Variants in AFF2 observed in about 807,000 individuals in gnomAD.
The protein encoded by AFF2 is ALF transcription elongation factor 2, also known as AF4/FMR2 family member 2.
A neutral mutation model predicts 76.9 loss-of-function variants in AFF2; 14 were observed. The observed-to-expected ratio is 0.18, with a 90% CI of 0.12 to 0.28. The LOEUF (loss-of-function observed/expected upper bound fraction) is 0.28, where lower values mean the gene tolerates loss of function less well. AFF2 is among the 10% of genes least tolerant of loss of function. The probability of loss-of-function intolerance (pLI) is 1.00; values close to 1 mark genes in which losing one functional copy is unlikely to be tolerated. For missense variants in AFF2, 868 were observed against 1,001.1 expected (o/e 0.87, Z 1.79); for synonymous variants, 398 against 366.7 (o/e 1.09, Z -0.98).
intron 1 of AFF2, among the ~76,000 whole-genome samples, chrX:148,570,735 T>C (rs1286168492): frequency 9.0e-6 from 1 of 111,453 alleles, no homozygotes; most frequent in Non-Finnish European, 1.9e-5. Flanking sequence ...GGGAGGGCTA[T>C]GCTTCCTCCA....
intron 1 of AFF2, among the ~76,000 whole-genome samples, chrX:148,526,527 G>A (rs1420706668): frequency 1.8e-5 from 2 of 109,556 alleles, no homozygotes; most frequent in Non-Finnish European, 3.8e-5. Context: ...CTTCAGCCCT[G>A]GATTCATCTC....
chrX:148,942,039 T>G (rs139670699), intron 9 of AFF2, among the ~76,000 whole-genome samples: 1,507 of 110,407 alleles, frequency 0.014, 26 homozygotes, highest in African/African-American at 0.047. Flanking sequence ...GAATGTACAA[T>G]TTAGTGGTGC....
chrX:148,517,065 T>G (rs1169668381), intron 1 of AFF2, among the ~76,000 whole-genome samples: 1 of 112,131 alleles, frequency 8.9e-6, no homozygotes, highest in Non-Finnish European at 1.9e-5. Context: ...AACAAATATA[T>G]TCTGGGTGTC....
chrX:148,532,766 A>G (rs1014186294), intron 1 of AFF2, among the ~76,000 whole-genome samples: 12 of 112,251 alleles, frequency 1.1e-4, no homozygotes, highest in Non-Finnish European at 1.7e-4. Context: ...CTAATTGTGT[A>G]TACTTTTGCC....
In AFF2 at chrX:148,956,086, A is replaced by T. The variant is rs188332287; in HGVS notation, c.2041A>T (p.Arg681Trp). 1.7e-6 allele frequency: 2 copies of T among 1,208,434 alleles called. No homozygotes were observed. The highest frequency in any genetic ancestry group is 2.2e-6 in the Non-Finnish European group (2 of 894,858). ...NKATAHKPAP[R>W]KEPRPNIPLA... Reference sequence around the variant, plus strand: ...AGCCACTGCCCACAAACCAGCCCCTAGGAAAGAACCAAGACCTAACATCCC... The same window carrying T: ...AGCCACTGCCCACAAACCAGCCCCTTGGAAAGAACCAAGACCTAACATCCC... The change falls in exon 11 of 21, where the codon AGG becomes TGG. Residue 681 changes from arginine (R) to tryptophan (W), a missense_variant. Physicochemically the swap from Arg to Trp is moderately radical, Grantham distance 101. Transcript: ENST00000370460.
chrX:148,622,447 G>A (rs988563142), intron 1 of AFF2, among the ~76,000 whole-genome samples: 1 of 111,498 alleles, frequency 9.0e-6, no homozygotes, highest in Non-Finnish European at 1.9e-5. Flanking sequence ...CAACTGATTG[G>A]ATGAGATCCA....
chrX:148,548,528 G>A (rs1211889141), intron 1 of AFF2, among the ~76,000 whole-genome samples: 1 of 111,741 alleles, frequency 8.9e-6, no homozygotes, highest in Non-Finnish European at 1.9e-5. Flanking sequence ...TCCGCCTCCC[G>A]AGTTCAAGCG....
At chrX:148,823,372 G>C (rs782100788) in intron 4 of AFF2, among the ~76,000 whole-genome samples, 4 of 111,677 alleles carry the variant, frequency 3.6e-5, no homozygotes, top group Non-Finnish European at 5.6e-5. Flanking sequence ...TGAATTTTTT[G>C]CACTCTCCAG....
intron 3 of AFF2, among the ~76,000 whole-genome samples, chrX:148,669,266 C>G (rs2054394400): frequency 8.9e-6 from 1 of 112,036 alleles, no homozygotes; most frequent in Non-Finnish European, 1.9e-5. Context: ...AAGTTCCAAA[C>G]TTTCCTGCAT....
Position 148,662,373 on chromosome X carries a change from G to T in AFF2, c.646G>T (p.Ala216Ser). ...IGEVEESNPS[A>S]KEDSNPNSSG... Reference sequence around the variant, plus strand: ...AGAAGTTGAAGAGTCAAACCCATCTGCAAAGGAAGACAGTAACCCTAATTC... The same window carrying T: ...AGAAGTTGAAGAGTCAAACCCATCTTCAAAGGAAGACAGTAACCCTAATTC... Residue 216 changes from alanine to serine, a missense_variant, in exon 3 of 21, where the codon GCA (alanine) becomes TCA (serine). Around this residue, in one of 6 missense-constraint regions of AFF2, gnomAD observed 196 missense variants for 194.8 expected, o/e 1.01. Coordinates refer to ENST00000370460, the MANE Select transcript of AFF2 (RefSeq NM_002025.4). 1 of 1,211,860 alleles carries T rather than the reference G, an allele frequency of 8.3e-7. No homozygotes were observed. The highest frequency in any genetic ancestry group is 1.1e-6 in the Non-Finnish European group (1 of 895,507).
chrX:148,928,186 G>C (rs973960911), intron 9 of AFF2, among the ~76,000 whole-genome samples: 1 of 112,169 alleles, frequency 8.9e-6, no homozygotes, highest in South Asian at 3.7e-4. Context: ...TTATGAGATA[G>C]CCATTTAGAT....
chrX:148,889,293 G>A (rs2071196125), intron 8 of AFF2, among the ~76,000 whole-genome samples: 1 of 111,280 alleles, frequency 9.0e-6, no homozygotes, highest in Admixed American at 9.6e-5. Flanking sequence ...ACCTTCCACA[G>A]CAGTGTTAGC....
intron 3 of AFF2, among the ~76,000 whole-genome samples, chrX:148,809,591 T>C (rs1275982377): frequency 8.9e-6 from 1 of 111,996 alleles, no homozygotes; most frequent in African/African-American, 3.2e-5. Context: ...AAGCTCTCTT[T>C]GGATAGATGA....
intron 9 of AFF2, among the ~76,000 whole-genome samples, chrX:148,923,752 G>C (rs1157212901): frequency 8.9e-6 from 1 of 111,963 alleles, no homozygotes; most frequent in Non-Finnish European, 1.9e-5. Context: ...GCCTAGAAGA[G>C]TTTTATTCTC....
intron 19 of AFF2, among the ~76,000 whole-genome samples, chrX:148,985,780 C>T (rs1448431245): frequency 9.0e-6 from 1 of 110,687 alleles, no homozygotes; most frequent in Non-Finnish European, 1.9e-5. Flanking sequence ...ATAGCAGAAA[C>T]ACTCTCGAAC....
At chrX:148,937,618 A>C (rs1557285154) in intron 9 of AFF2, among the ~76,000 whole-genome samples, 1 of 112,037 alleles carries the variant, frequency 8.9e-6, no homozygotes, top group Non-Finnish European at 1.9e-5. Context: ...AAGCTTGTAC[A>C]AACAAGCGCA....
At chrX:148,949,920 G>A (rs782376569) in intron 9 of AFF2, among the ~76,000 whole-genome samples, 2 of 112,328 alleles carry the variant, frequency 1.8e-5, no homozygotes, top group Non-Finnish European at 1.9e-5. Context: ...TCATCTCCTA[G>A]GCAGAATCAA....
At chrX:148,807,712 CAAT>C (rs1407392859) in intron 3 of AFF2, among the ~76,000 whole-genome samples, 1 of 112,670 alleles carries the variant, frequency 8.9e-6, no homozygotes, top group Non-Finnish European at 1.9e-5. Context: ...TACAATACAA[CAAT>C]GATATTGAAG....
At chrX:148,739,692 T>A (rs1260437442) in intron 3 of AFF2, among the ~76,000 whole-genome samples, 4 of 111,653 alleles carry the variant, frequency 3.6e-5, no homozygotes, top group African/African-American at 1.3e-4. Flanking sequence ...TGTGTACTTT[T>A]TTTTAGTTTT....
Sources: gnomAD v4.1 joint callset for allele counts (sites outside exome capture counted in the v4.1 genomes callset) on GRCh38, gnomAD v4.1.1 for gene constraint, gnomAD v4.1.1 regional missense constraint, MANE v1.5 for transcripts, NCBI Gene and HGNC (gene_info 2026-07-23, HGNC 2026-07-21) for gene names.